The following DZIP3 variants were observed in gnomAD, a reference collection of about 807,000 sequenced individuals.
DZIP3 encodes DAZ interacting zinc finger protein 3, also known as E3 ubiquitin-protein ligase DZIP3.
Under a neutral mutation model 162.0 loss-of-function variants are expected in DZIP3, and 118 were observed. The observed-to-expected ratio is 0.73, with a 90% CI of 0.63 to 0.85. The LOEUF is 0.85. Among genes scored for constraint, DZIP3 ranks in the 40% least tolerant of loss-of-function variants. DZIP3 has a pLI of 0.00. For synonymous variants in DZIP3, 438 were observed against 458.6 expected (o/e 0.96, Z 0.57); for missense variants, 1,331 against 1,407.0 (o/e 0.95, Z 0.86).
At chr3:108,674,909 T>C (rs1944049066) in intron 24 of DZIP3, among the ~76,000 whole-genome samples, 1 of 151,934 alleles carries the variant, frequency 6.6e-6, no homozygotes, top group African/African-American at 2.4e-5. Context: ...GAGTCTTTGA[T>C]GTTAGCTAGA....
intron 21 of DZIP3, among the ~76,000 whole-genome samples, chr3:108,663,796 T>C (rs1298778348): frequency 6.6e-6 from 1 of 152,198 alleles, no homozygotes; most frequent in Non-Finnish European, 1.5e-5. Flanking sequence ...TGCATATGTC[T>C]TCACAAAATG....
chr3:108,675,737 G>A (rs758589066), intron 24 of DZIP3, 49 bp from the exon 25 acceptor site: 2 of 1,521,650 alleles, frequency 1.3e-6, no homozygotes, highest in Non-Finnish European at 1.8e-6. Flanking sequence ...GGAAACCTAA[G>A]TGTTATAAAA....
At chr3:108,656,411 C>G (rs896681953) in intron 19 of DZIP3, among the ~76,000 whole-genome samples, 2 of 152,268 alleles carry the variant, frequency 1.3e-5, no homozygotes, top group Admixed American at 1.3e-4. Flanking sequence ...CAGCAAACTC[C>G]AACAGACCTG....
intron 32 of DZIP3, among the ~76,000 whole-genome samples, chr3:108,692,339 GCTTC>G (rs1364201878): frequency 6.6e-6 from 1 of 152,082 alleles, no homozygotes; most frequent in Non-Finnish European, 1.5e-5. Context: ...CTTCTCTACA[GCTTC>G]CCATGGGCTA....
chr3:108,686,607 G>C (rs371727010), intron 28 of DZIP3, 23 bp downstream of exon 28: 28 of 1,579,192 alleles, frequency 1.8e-5, no homozygotes, highest in Non-Finnish European at 2.3e-5. Flanking sequence ...TTATTTATTG[G>C]TGGGTACAGA....
rs1354016614 is a variant in DZIP3, at chr3:108,635,110, T to G, written c.918+138T>G. The G allele has an allele frequency of 5.6e-6, 3 of 532,200 alleles. No individual in the cohort carries two copies. The African/African-American group carries it at 5.9e-5, about 11-fold the overall frequency. The allele number at this position is 532,200 out of a possible 1,614,324, so 33.0% of individuals were successfully genotyped here. A position where few individuals can be genotyped will look rare whatever the true frequency, so the allele number is the denominator to read the frequency against. ...CCTCCTTTTTTTCTTTTTCTTTTAC[T>G]TCCTTCTTTGTTCTTTCCCAATTCT... On this transcript the variant is annotated intron_variant, in intron 10 of 32. Coordinates refer to ENST00000361582, the MANE Select transcript of DZIP3 (RefSeq NM_014648.4).
At chr3:108,681,218 A>G (rs1944295185) in intron 26 of DZIP3, among the ~76,000 whole-genome samples, 1 of 152,186 alleles carries the variant, frequency 6.6e-6, no homozygotes, top group South Asian at 2.1e-4. Flanking sequence ...ATCTACAAAG[A>G]ACTTAAACAA....
At chr3:108,631,055 A>ACACACACACACAAACACTCTCTCTCTCT in intron 8 of DZIP3, among the ~76,000 whole-genome samples, 1 of 18,006 alleles carries the variant, frequency 5.6e-5, no homozygotes, top group African/African-American at 2.8e-4. Flanking sequence ...ACACACACAC[A>ACACACACACACAAACACTCTCTCTCTCT]CTCTCTCTCT....
At chr3:108,627,903 G>A (rs1462597368) in intron 7 of DZIP3, among the ~76,000 whole-genome samples, 2 of 151,370 alleles carry the variant, frequency 1.3e-5, no homozygotes, top group African/African-American at 2.4e-5. Flanking sequence ...TTTTTGAGAC[G>A]GAGTCTCGCT....
At chr3:108,668,453 A>G (rs747356314) in intron 21 of DZIP3, among the ~76,000 whole-genome samples, 1 of 152,004 alleles carries the variant, frequency 6.6e-6, no homozygotes, top group Non-Finnish European at 1.5e-5. Flanking sequence ...TCTGTTGTTT[A>G]AGAGTCTAGG....
At chr3:108,646,270 C>T (rs1263285474) in intron 14 of DZIP3, among the ~76,000 whole-genome samples, 2 of 152,140 alleles carry the variant, frequency 1.3e-5, no homozygotes, top group African/African-American at 2.4e-5. Flanking sequence ...AAAAATAGGT[C>T]CCAACTTTCA....
At chr3:108,639,005 A>G (rs969633866) in intron 12 of DZIP3, among the ~76,000 whole-genome samples, 1 of 152,234 alleles carries the variant, frequency 6.6e-6, no homozygotes, top group Non-Finnish European at 1.5e-5. Flanking sequence ...TGCCATCTCA[A>G]GAAACCTCCC....
At chr3:108,627,838 T>A (rs1576380405) in intron 7 of DZIP3, among the ~76,000 whole-genome samples, 1 of 151,802 alleles carries the variant, frequency 6.6e-6, no homozygotes, top group African/African-American at 2.4e-5. Context: ...ACTTGGGCTC[T>A]CCACCTGACC....
At position 108,624,442 on chromosome 3, in the gene DZIP3, A is replaced by G. The variant is rs769687462; in HGVS notation, c.376-2A>G. 7 of 1,566,374 alleles carry G rather than the reference A, an allele frequency of 4.5e-6. No homozygotes were observed. The highest frequency in any genetic ancestry group is 6.1e-6 in the Non-Finnish European group (7 of 1,141,960). On this transcript the variant is annotated splice_acceptor_variant, in intron 5 of 32. Transcript: ENST00000361582. LOFTEE classifies it high-confidence loss of function. ...CCAATTAACATATTTTTTTCTTTGT[A>G]GGCACACCAGATTAATATTGGTTAT...
At chr3:108,600,129 G>A (rs569331410) in intron 1 of DZIP3, among the ~76,000 whole-genome samples, 1 of 152,270 alleles carries the variant, frequency 6.6e-6, no homozygotes, top group East Asian at 1.9e-4. Context: ...GCATCTTGAT[G>A]TGTCAACTTT....
At chr3:108,647,873 C>T in intron 15 of DZIP3, 70 bp from the exon 16 acceptor site, 2 of 1,306,558 alleles carry the variant, frequency 1.5e-6, no homozygotes, top group Non-Finnish European at 2.1e-6. Context: ...TTTGGGCAAA[C>T]ATTATAACAT....
chr3:108,590,327 C>T (rs1939317269), intron 1 of DZIP3, among the ~76,000 whole-genome samples: 1 of 152,150 alleles, frequency 6.6e-6, no homozygotes, highest in Admixed American at 6.5e-5. Flanking sequence ...GAATAGGGTA[C>T]ATTTCCATTT....
intron 3 of DZIP3, among the ~76,000 whole-genome samples, chr3:108,608,968 G>A (rs979489743): frequency 1.3e-4 from 20 of 152,142 alleles, no homozygotes; most frequent in African/African-American, 4.8e-4. Flanking sequence ...GAGTCATGGG[G>A]GAAGGCAAAG....
intron 4 of DZIP3, 83 bp downstream of exon 4, chr3:108,611,412 C>T: frequency 6.7e-7 from 1 of 1,500,224 alleles, no homozygotes; most frequent in Non-Finnish European, 9.0e-7. Context: ...TTAAACCACA[C>T]AGTATAGCCA....
Sources: gnomAD v4.1 joint callset for allele counts (sites outside exome capture counted in the v4.1 genomes callset) on GRCh38, gnomAD v4.1.1 for gene constraint, MANE v1.5 for transcripts, NCBI Gene and HGNC (gene_info 2026-07-23, HGNC 2026-07-21) for gene names.